LAMC1: variants seen among roughly 807,000 people sequenced by gnomAD.
LAMC1 encodes laminin subunit gamma 1.
LAMC1 carries 38 observed loss-of-function variants against 173.6 expected under a neutral mutation model. That is an observed-to-expected ratio of 0.22 (90% CI 0.17 to 0.29). The LOEUF is 0.29. Ranked by LOEUF, LAMC1 falls within the 10% of genes least tolerant of loss-of-function variation. LAMC1 has a pLI of 1.00. For synonymous variants in LAMC1, 746 were observed against 749.1 expected (o/e 1.00, Z 0.07); for missense variants, 1,824 against 2,051.8 (o/e 0.89, Z 2.14).
At chr1:183,085,780 T>C (rs1433497505) in intron 1 of LAMC1, among the ~76,000 whole-genome samples, 1 of 152,188 alleles carries the variant, frequency 6.6e-6, no homozygotes, top group Non-Finnish European at 1.5e-5. Context: ...ACTTAAAAAG[T>C]TTATAAATAT....
intron 16 of LAMC1, among the ~76,000 whole-genome samples, chr1:183,126,687 C>T (rs185522181): frequency 1.0e-3 from 153 of 152,282 alleles, no homozygotes; most frequent in African/African-American, 3.6e-3. Context: ...GGTATGATTA[C>T]GTGTAAACAT....
At chr1:183,119,715 A>G (rs1368281553) in intron 11 of LAMC1, among the ~76,000 whole-genome samples, 1 of 151,952 alleles carries the variant, frequency 6.6e-6, no homozygotes, top group East Asian at 1.9e-4. Flanking sequence ...AGCCTGGACA[A>G]TGAGTGTGAC....
In LAMC1 at chr1:183,143,027, C is replaced by T. The variant is rs1657158777; in HGVS notation, c.*237C>T. ...TCTTCCATTCACGTTGCTACCTTAC[C>T]CACACTTTCCCTTCTGATTTGCGTG... On this transcript the variant is annotated 3_prime_UTR_variant, in exon 28 of 28. Transcript: ENST00000258341. 2.2e-6 allele frequency: 1 copy of T among 454,044 alleles called. No homozygotes were observed. Among genetic ancestry groups the T allele is most frequent in the Non-Finnish European group, 4.0e-6 (1 of 252,418 alleles). The allele number at this position is 454,044 out of a possible 1,614,324, so 28.1% of individuals were successfully genotyped here.
intron 1 of LAMC1, among the ~76,000 whole-genome samples, chr1:183,066,414 A>G (rs1654874154): frequency 6.6e-6 from 1 of 152,236 alleles, no homozygotes; most frequent in South Asian, 2.1e-4. Context: ...TCAAGGATCT[A>G]GAACCAGAAA....
rs1657148444 is a variant in LAMC1, at chr1:183,142,684, A to G, written c.4724A>G (p.Tyr1575Cys). ...AKKQEAAIMD[Y>C]NRDIEEIMKD... is the part of the protein sequence containing the mutation. ...AAGCAGGAGGCTGCCATCATGGACT[A>G]TAACCGAGATATCGAGGAGATCATG... Residue 1575 changes from tyrosine to cysteine, a missense_variant, in exon 28 of 28, where the codon TAT (tyrosine) becomes TGT (cysteine). Physicochemically the swap from Tyr to Cys is radical, Grantham distance 194. Coordinates refer to ENST00000258341, the MANE Select transcript of LAMC1 (RefSeq NM_002293.4). 3.1e-6 allele frequency: 5 copies of G among 1,614,108 alleles called. No individual in the cohort carries two copies. The highest frequency in any genetic ancestry group is 2.2e-5 in the South Asian group (2 of 91,080).
chr1:183,137,335 G>A (rs933762368), intron 25 of LAMC1, among the ~76,000 whole-genome samples: 10 of 152,092 alleles, frequency 6.6e-5, no homozygotes, highest in African/African-American at 2.2e-4. Flanking sequence ...ATATGATGTC[G>A]TAGAAAGTGT....
intron 1 of LAMC1, among the ~76,000 whole-genome samples, chr1:183,087,928 C>G (rs546986958): frequency 6.6e-6 from 1 of 152,026 alleles, no homozygotes; most frequent in African/African-American, 2.4e-5. Flanking sequence ...ATTCTCCTGC[C>G]TCAGCCTCCC....
At chr1:183,069,586 T>A (rs1196721208) in intron 1 of LAMC1, among the ~76,000 whole-genome samples, 1 of 152,210 alleles carries the variant, frequency 6.6e-6, no homozygotes, top group African/African-American at 2.4e-5. Flanking sequence ...GGTCTGGGTG[T>A]CCAGTGTGTC....
chr1:183,071,784 T>TC (rs1235744319), intron 1 of LAMC1, among the ~76,000 whole-genome samples: 2 of 152,320 alleles, frequency 1.3e-5, no homozygotes, highest in African/African-American at 4.8e-5. Context: ...CGTCTTAAGT[T>TC]CCCAAACACA....
intron 21 of LAMC1, 90 bp from the exon 22 acceptor site, chr1:183,133,316 C>T (rs1034228919): frequency 1.1e-5 from 12 of 1,092,934 alleles, no homozygotes; most frequent in Admixed American, 9.5e-5. Flanking sequence ...AGGTTTTGGG[C>T]GTATTATCAC....
intron 1 of LAMC1, among the ~76,000 whole-genome samples, chr1:183,072,456 T>A (rs1473911784): frequency 6.6e-6 from 1 of 152,182 alleles, no homozygotes; most frequent in Non-Finnish European, 1.5e-5. Context: ...CAAAGACCCT[T>A]CTTTATGGGT....
At chr1:183,105,740 C>T (rs2147585) in intron 2 of LAMC1, among the ~76,000 whole-genome samples, 78,553 of 151,956 alleles carry the variant, frequency 0.52, 20,986 homozygotes, top group South Asian at 0.65. Context: ...GTCTCTGATA[C>T]CCAGTTGCCA....
At chr1:183,130,671 C>T in intron 19 of LAMC1, 122 bp downstream of exon 19, 1 of 742,340 alleles carries the variant, frequency 1.3e-6, no homozygotes, top group Non-Finnish European at 2.2e-6. Flanking sequence ...TTTATTTGTC[C>T]CTAAATATGG....
intron 1 of LAMC1, among the ~76,000 whole-genome samples, chr1:183,094,128 C>T (rs965067945): frequency 2.0e-5 from 3 of 152,154 alleles, no homozygotes; most frequent in Non-Finnish European, 4.4e-5. Flanking sequence ...AATACCTTTC[C>T]ACCTTACTCA....
intron 1 of LAMC1, among the ~76,000 whole-genome samples, chr1:183,025,278 C>G (rs1026134890): frequency 1.3e-5 from 2 of 152,106 alleles, no homozygotes; most frequent in Admixed American, 1.3e-4. Flanking sequence ...TTTTGCTGCT[C>G]TCCGGTACAC....
chr1:183,126,161 A>G lies in LAMC1; in HGVS notation c.2843A>G (p.Asp948Gly). The G allele has an allele frequency of 6.2e-7, 1 of 1,614,162 alleles. No individual in the cohort carries two copies. The highest frequency in any genetic ancestry group is 8.5e-7 in the Non-Finnish European group (1 of 1,180,020). Reference protein sequence around the residue: ...HALGSTNGQCDIRTGQCECQP... With the variant: ...HALGSTNGQCGIRTGQCECQP... ...TTGGGCTCCACCAATGGGCAGTGTG[A>G]CATCCGCACCGGCCAGTGTGAGTGC... is the stretch of plus-strand genomic sequence containing the variant. The change falls in exon 16 of 28, where the codon GAC becomes GGC. Residue 948 changes from aspartate (D) to glycine (G), a missense_variant. Asp to Gly is a moderately conservative substitution (Grantham distance 94). Transcript: ENST00000258341.
In LAMC1 at chr1:183,118,150, A is replaced by G; in HGVS notation, c.1990+4A>G. 1 of 1,467,990 alleles carries G rather than the reference A, an allele frequency of 6.8e-7. No homozygotes were observed. Among genetic ancestry groups the G allele is most frequent in the Non-Finnish European group, 9.5e-7 (1 of 1,049,726 alleles). The allele number at this position is 1,467,990 out of a possible 1,614,324, so 90.9% of individuals were successfully genotyped here. ...CGTGGGACATACAGTGAGAGAAGTAAGTTATGATATAATTTAGGAGAGTTG... is the reference window on the plus strand; with the variant it reads ...CGTGGGACATACAGTGAGAGAAGTAGGTTATGATATAATTTAGGAGAGTTG... On this transcript the variant is annotated splice_donor_region_variant and intron_variant, in intron 11 of 27. Transcript: ENST00000258341.
Position 183,126,074 on chromosome 1 carries a change from A to G in LAMC1, c.2802-46A>G, listed in dbSNP as rs188186643. ...CTAAAAAAAAAAAAAAGTTGTGCTT[A>G]AAGTCTGTTTTTCTTGCCTGAGAAA... is the stretch of plus-strand genomic sequence containing the variant. On this transcript the variant is annotated intron_variant, in intron 15 of 27. Coordinates refer to ENST00000258341, the MANE Select transcript of LAMC1 (RefSeq NM_002293.4). 1.4e-4 allele frequency: 214 copies of G among 1,579,674 alleles called. 1 individual carries two copies. The Admixed American group carries it at 2.0e-3, about 15-fold the overall frequency.
At chr1:183,103,177 T>A in intron 1 of LAMC1, 151 bp from the exon 2 acceptor site, 1 of 787,660 alleles carries the variant, frequency 1.3e-6, no homozygotes, top group South Asian at 1.9e-5. Context: ...GGAAAATACG[T>A]AGTTTTCTGT....
Sources: allele counts gnomAD v4.1 joint callset (sites outside exome capture counted in the v4.1 genomes callset), GRCh38; gene constraint gnomAD v4.1.1; transcripts MANE v1.5; gene names NCBI Gene and HGNC (gene_info 2026-07-23, HGNC 2026-07-21).